The following BMPR1B variants were observed in gnomAD, a reference collection of about 807,000 sequenced individuals.
BMPR1B encodes bone morphogenetic protein receptor type-1B.
A neutral mutation model predicts 59.1 loss-of-function variants in BMPR1B; 12 were observed. The observed-to-expected ratio is 0.20, with a 90% CI of 0.13 to 0.33. The LOEUF (loss-of-function observed/expected upper bound fraction) is 0.33. Ranked by LOEUF, BMPR1B falls within the 10% of genes least tolerant of loss-of-function variation. The pLI, the probability that BMPR1B is intolerant of heterozygous loss-of-function variation, is 1.00. For missense variants in BMPR1B, 550 were observed against 610.9 expected (o/e 0.90, Z 1.05); for synonymous variants, 237 against 207.3 (o/e 1.14, Z -1.23).
At chr4:95,053,136 G>A (rs1014544406) in intron 3 of BMPR1B, among the ~76,000 whole-genome samples, 1 of 152,138 alleles carries the variant, frequency 6.6e-6, no homozygotes, top group African/African-American at 2.4e-5. Flanking sequence ...ACCTTAGAAT[G>A]TCCCTTAACA....
chr4:95,118,459 C>G (rs1732233323), intron 6 of BMPR1B, among the ~76,000 whole-genome samples: 2 of 152,024 alleles, frequency 1.3e-5, no homozygotes, highest in African/African-American at 4.8e-5. Flanking sequence ...AAAAACAGTC[C>G]TGGCATTTTA....
intron 3 of BMPR1B, among the ~76,000 whole-genome samples, chr4:95,042,372 GAC>G (rs1368324280): frequency 2.0e-5 from 3 of 152,256 alleles, no homozygotes; most frequent in African/African-American, 7.2e-5. Flanking sequence ...CTGACACAGT[GAC>G]ACCTTTGTTC....
intron 2 of BMPR1B, among the ~76,000 whole-genome samples, chr4:94,950,506 A>G (rs1729891055): frequency 1.3e-5 from 2 of 152,274 alleles, no homozygotes; most frequent in East Asian, 3.9e-4. Context: ...TTTTCTGCAG[A>G]TGGCTAGCCA....
At chr4:94,776,254 T>G (rs1030456157) in intron 1 of BMPR1B, among the ~76,000 whole-genome samples, 1 of 152,154 alleles carries the variant, frequency 6.6e-6, no homozygotes, top group East Asian at 1.9e-4. Context: ...GTTTATATTA[T>G]CTATACAAAA....
chr4:94,929,662 C>T (rs1225951977), intron 2 of BMPR1B, among the ~76,000 whole-genome samples: 1 of 152,036 alleles, frequency 6.6e-6, no homozygotes, highest in Non-Finnish European at 1.5e-5. Flanking sequence ...TCTCTTAGCC[C>T]TATTCTGGCT....
At chr4:94,968,008 A>G (rs1215022967) in intron 2 of BMPR1B, among the ~76,000 whole-genome samples, 1 of 152,200 alleles carries the variant, frequency 6.6e-6, no homozygotes, top group Non-Finnish European at 1.5e-5. Flanking sequence ...GGCAGTGATA[A>G]TAACATTTTG....
intron 2 of BMPR1B, among the ~76,000 whole-genome samples, chr4:94,950,984 A>G (rs894248808): frequency 6.6e-6 from 1 of 152,166 alleles, no homozygotes. Context: ...TTCTCCTTGA[A>G]GGGGTCCTTC....
intron 1 of BMPR1B, among the ~76,000 whole-genome samples, chr4:94,758,948 T>C (rs1209235276): frequency 6.6e-6 from 1 of 152,104 alleles, no homozygotes; most frequent in Admixed American, 6.6e-5. Context: ...CTCAAGAGGC[T>C]TTCGCTCCCG....
At chr4:94,975,080 C>T in intron 2 of BMPR1B, among the ~76,000 whole-genome samples, 1 of 152,094 alleles carries the variant, frequency 6.6e-6, no homozygotes, top group East Asian at 1.9e-4. Flanking sequence ...TTTACGGTGC[C>T]ACAAAAGGTA....
At chr4:95,064,500 T>C (rs1265484441) in intron 3 of BMPR1B, among the ~76,000 whole-genome samples, 1 of 152,022 alleles carries the variant, frequency 6.6e-6, no homozygotes, top group African/African-American at 2.4e-5. Context: ...CCCACCCCTG[T>C]GCATACAAAA....
At chr4:94,763,257 C>T (rs972386169) in intron 1 of BMPR1B, among the ~76,000 whole-genome samples, 1 of 152,196 alleles carries the variant, frequency 6.6e-6, no homozygotes, top group African/African-American at 2.4e-5. Flanking sequence ...TCCTCTAACC[C>T]TCAGCTTTGG....
intron 3 of BMPR1B, among the ~76,000 whole-genome samples, chr4:95,002,715 T>TA (rs1211238022): frequency 6.6e-6 from 1 of 152,156 alleles, no homozygotes; most frequent in East Asian, 1.9e-4. Flanking sequence ...TCTCCATCAA[T>TA]AAAAAAGCCT....
At chr4:94,955,296 T>A (rs1186750070) in intron 2 of BMPR1B, among the ~76,000 whole-genome samples, 2 of 152,190 alleles carry the variant, frequency 1.3e-5, no homozygotes, top group African/African-American at 4.8e-5. Context: ...ATCTCCTTTT[T>A]TAAGGACTTT....
At position 94,866,818 on chromosome 4, in the gene BMPR1B, A is replaced by G. The variant is rs552397789; in HGVS notation, c.-182-9013A>G. Among the ~76,000 whole-genome samples, 4 of 152,120 alleles carry G rather than the reference A, an allele frequency of 2.6e-5. No individual in the cohort carries two copies. In the South Asian group the frequency reaches 8.3e-4, roughly 32 times the overall value. On this transcript the variant is annotated intron_variant, in intron 1 of 12. Transcript: ENST00000515059. ...AGGATGGTCTCGATCTCCTCACCTC[A>G]TGATCCGCCCACTTTGGCCTCCCAA...
At position 95,098,981 on chromosome 4, in the gene BMPR1B, G is replaced by A. The variant is rs192951733; in HGVS notation, c.-17-5427G>A. ...TCTGCCTGCCTCAGCCTCCCAAAGC[G>A]CTGGGATTACAGGCATTAGCCACCG... On this transcript the variant is annotated intron_variant, in intron 3 of 12. Transcript: ENST00000515059. Among the ~76,000 whole-genome samples, 13 of 152,270 alleles carry A rather than the reference G, an allele frequency of 8.5e-5. No individual in the cohort carries two copies. In the East Asian group the frequency reaches 1.7e-3, roughly 20 times the overall value.
At position 95,154,666 on chromosome 4, in the gene BMPR1B, A is replaced by G. The variant is rs766714132; in HGVS notation, c.1502A>G (p.Lys501Arg). Reference protein sequence around the residue: ...LAKMSESQDIKL With the variant: ...LAKMSESQDIRL Reference sequence around the variant, plus strand: ...AAAATGTCAGAGTCCCAGGACATTAAACTCTGATAGGAGAGGAAAAGTAAG... The same window carrying G: ...AAAATGTCAGAGTCCCAGGACATTAGACTCTGATAGGAGAGGAAAAGTAAG... Residue 501 changes from lysine (K) to arginine (R), a missense_variant, in exon 13 of 13, where the codon AAA becomes AGA. Coordinates refer to ENST00000515059, the MANE Select transcript of BMPR1B (RefSeq NM_001203.3). 1.2e-6 allele frequency: 2 copies of G among 1,613,968 alleles called. No homozygotes were observed. The highest frequency in any genetic ancestry group is 2.2e-5 in the East Asian group (1 of 44,882).
intron 10 of BMPR1B, among the ~76,000 whole-genome samples, chr4:95,147,872 T>G (rs186452742): frequency 2.6e-5 from 4 of 152,202 alleles, no homozygotes; most frequent in African/African-American, 7.2e-5. Flanking sequence ...GGGCTGGAAC[T>G]GTGGCTCCAG....
chr4:95,113,722 A>G lies in BMPR1B; in HGVS notation c.144-998A>G, dbSNP rs191245023. On this transcript the variant is annotated intron_variant, in intron 4 of 12. Coordinates refer to ENST00000515059, the MANE Select transcript of BMPR1B (RefSeq NM_001203.3). ...TTACAAACAGTTCTGTATATAACAG[A>G]TGTGTTTTTTATTTTAGTCCCAAAG... is the stretch of plus-strand genomic sequence containing the variant. Among the ~76,000 whole-genome samples, 697 of 152,250 alleles carry G rather than the reference A, an allele frequency of 4.6e-3. 3 individuals are homozygous for G. The highest frequency in any genetic ancestry group is 6.8e-3 in the Middle Eastern group (2 of 294).
At chr4:94,809,987 A>G (rs951323597) in intron 1 of BMPR1B, among the ~76,000 whole-genome samples, 3 of 152,242 alleles carry the variant, frequency 2.0e-5, no homozygotes, top group Admixed American at 1.3e-4. Flanking sequence ...GTCTAAAACT[A>G]TAGTGCAGTA....
Sources: allele counts gnomAD v4.1 joint callset (sites outside exome capture counted in the v4.1 genomes callset), GRCh38; gene constraint gnomAD v4.1.1; transcripts MANE v1.5; gene names NCBI Gene and HGNC (gene_info 2026-07-23, HGNC 2026-07-21).